Variants in GOLPH3L observed in about 807,000 individuals in gnomAD.
GOLPH3L encodes the protein golgi phosphoprotein 3 like, also known as Golgi phosphoprotein 3-like.
Under a neutral mutation model 30.3 loss-of-function variants are expected in GOLPH3L, and 22 were observed. The ratio of observed to expected loss-of-function variants is 0.73; its 90% CI spans 0.52 to 1.04. The LOEUF (loss-of-function observed/expected upper bound fraction) is 1.04, where lower values mean the gene tolerates loss of function less well. GOLPH3L is among the 50% of genes least tolerant of loss of function. GOLPH3L has a pLI of 0.00. For synonymous variants in GOLPH3L, 120 were observed against 128.2 expected (o/e 0.94, Z 0.43); for missense variants, 303 against 345.8 (o/e 0.88, Z 0.98).
intron 2 of GOLPH3L, among the ~76,000 whole-genome samples, chr1:150,674,324 G>C (rs904320542): frequency 6.0e-5 from 9 of 150,784 alleles, no homozygotes; most frequent in Admixed American, 5.3e-4. Flanking sequence ...GCAGTGGCAT[G>C]ATCTTGGCTC....
intron 2 of GOLPH3L, among the ~76,000 whole-genome samples, chr1:150,666,808 A>T (rs1650518581): frequency 1.3e-5 from 2 of 152,144 alleles, no homozygotes; most frequent in Admixed American, 6.6e-5. Context: ...TTCTTTAAAA[A>T]TGTCATATTT....
At chr1:150,652,396 A>C (rs11581145) in intron 4 of GOLPH3L, among the ~76,000 whole-genome samples, 8 of 148,128 alleles carry the variant, frequency 5.4e-5, no homozygotes, top group Non-Finnish European at 7.5e-5. Flanking sequence ...AAAAAAAAAA[A>C]AAAAAAAAAA....
chr1:150,681,960 G>C (rs1376970647), intron 2 of GOLPH3L, among the ~76,000 whole-genome samples: 1 of 151,942 alleles, frequency 6.6e-6, no homozygotes, highest in Admixed American at 6.6e-5. Context: ...CATCTACTCT[G>C]GTAACTGAGG....
chr1:150,656,073 T>G (rs1650232528), intron 4 of GOLPH3L, among the ~76,000 whole-genome samples: 1 of 152,222 alleles, frequency 6.6e-6, no homozygotes, highest in Admixed American at 6.5e-5. Flanking sequence ...GGGCAAACAA[T>G]TGAACCTACT....
intron 4 of GOLPH3L, among the ~76,000 whole-genome samples, chr1:150,656,898 A>G (rs1650251609): frequency 6.6e-6 from 1 of 152,336 alleles, no homozygotes; most frequent in South Asian, 2.1e-4. Flanking sequence ...TAGAATAACT[A>G]AATTTAAACC....
rs1193994964 is a variant in GOLPH3L, at chr1:150,647,265, G to A, written c.*1056C>T. The stretch of plus-strand genomic sequence containing the variant: ...TAATCTCAGCACTTTGGGAGGCTGA[G>A]GTGGAAGAATTGCTTGAGCCCAGGA... On this transcript the variant is annotated 3_prime_UTR_variant, in exon 5 of 5. Transcript: ENST00000271732. The A allele has an allele frequency of 6.6e-6, 1 of 152,348 alleles. No homozygotes were observed. The highest frequency in any genetic ancestry group is 1.5e-5 in the Non-Finnish European group (1 of 68,174). 9.4% of individuals were successfully genotyped at this position (152,348 alleles called of 1,614,324 possible). A position where few individuals can be genotyped will look rare whatever the true frequency, so the allele number is the denominator to read the frequency against.
chr1:150,677,065 TTTA>T (rs950365162), intron 2 of GOLPH3L, among the ~76,000 whole-genome samples: 4 of 150,304 alleles, frequency 2.7e-5, no homozygotes, highest in Non-Finnish European at 5.9e-5. Flanking sequence ...GTAATTTTAT[TTTA>T]TTATTTATTT....
In GOLPH3L at chr1:150,661,895, C is replaced by T; in HGVS notation, c.349G>A (p.Val117Ile). The change falls in exon 4 of 5, where the codon GTT becomes ATT. Residue 117 changes from valine (V) to isoleucine (I), a missense_variant. By Grantham distance (29) the Val-to-Ile change is conservative (BLOSUM62 3). Transcript: ENST00000271732. ...TGTTTCAGAGTTTCATCCAGTAAAA[C>T]ATCACCTGTTGGGCTGTCTGACTTT... ...LLKSDSPTGD[V>I]LLDETLKHIK... The T allele has an allele frequency of 1.9e-6, 3 of 1,592,682 alleles. No individual in the cohort carries two copies. Among genetic ancestry groups the T allele is most frequent in the Non-Finnish European group, 2.6e-6 (3 of 1,160,348 alleles).
chr1:150,696,469 T>C (rs922731129), intron 1 of GOLPH3L, among the ~76,000 whole-genome samples: 2 of 152,204 alleles, frequency 1.3e-5, no homozygotes, highest in African/African-American at 4.8e-5. Context: ...ACAGGGATAT[T>C]GTCTTCTTGG....
chr1:150,693,847 ATTTTTTTTTTTTTTT>A (rs66627372), intron 2 of GOLPH3L, among the ~76,000 whole-genome samples: 10 of 27,208 alleles, frequency 3.7e-4, no homozygotes, highest in African/African-American at 8.0e-4. Context: ...ATATATATAT[ATTTTTTTTTTTTTTT>A]TTTTTTTTTT....
At chr1:150,683,699 C>CTAA (rs1651015930) in intron 2 of GOLPH3L, among the ~76,000 whole-genome samples, 2 of 14,958 alleles carry the variant, frequency 1.3e-4, no homozygotes, top group Non-Finnish European at 2.5e-4. Flanking sequence ...GACTCTCTCT[C>CTAA]AAAAAAAAAA....
intron 2 of GOLPH3L, among the ~76,000 whole-genome samples, chr1:150,676,704 C>G (rs12064548): frequency 0.38 from 55,960 of 146,902 alleles, 10,791 homozygotes; most frequent in South Asian, 0.54. Context: ...AGTGCAATGG[C>G]TCGATCTTGG....
intron 4 of GOLPH3L, among the ~76,000 whole-genome samples, chr1:150,653,175 C>CAAAAAAAAAAAAAAAAAAAAAAAA (rs757485843): frequency 1.3e-5 from 1 of 76,262 alleles, no homozygotes; most frequent in Non-Finnish European, 2.9e-5. Context: ...GCCAAAAAAA[C>CAAAAAAAAAAAAAAAAAAAAAAAA]AAAAAAAAAA....
chr1:150,672,443 G>A (rs1434512288), intron 2 of GOLPH3L, among the ~76,000 whole-genome samples: 1 of 152,058 alleles, frequency 6.6e-6, no homozygotes, highest in Admixed American at 6.6e-5. Context: ...ATGTATGTAT[G>A]TATTTGAGAC....
intron 2 of GOLPH3L, among the ~76,000 whole-genome samples, chr1:150,688,401 C>CT (rs138548118): frequency 6.6e-6 from 1 of 152,064 alleles, no homozygotes; most frequent in African/African-American, 2.4e-5. Context: ...AGTTGATGTT[C>CT]TTTTTTCCTA....
In GOLPH3L at chr1:150,648,315, CCGG is replaced by C; in HGVS notation, c.*3_*5del. On this transcript the variant is annotated 3_prime_UTR_variant, in exon 5 of 5. Transcript: ENST00000271732. ...CAGGGGAAAAGGAGAAATCCACCTG[CCGG>C]CTTTAAGATTTATTGAAGGCTGCCA... 1 of 1,574,088 alleles carries C rather than the reference CCGG, an allele frequency of 6.4e-7. No homozygotes were observed. Among genetic ancestry groups the C allele is most frequent in the Non-Finnish European group, 8.6e-7 (1 of 1,156,308 alleles).
chr1:150,687,055 T>C (rs1367140871), intron 2 of GOLPH3L, among the ~76,000 whole-genome samples: 1 of 152,158 alleles, frequency 6.6e-6, no homozygotes, highest in Non-Finnish European at 1.5e-5. Context: ...GGAGACTTAT[T>C]GTTCATTTTG....
At chr1:150,691,908 T>C (rs1651223936) in intron 2 of GOLPH3L, among the ~76,000 whole-genome samples, 1 of 151,956 alleles carries the variant, frequency 6.6e-6, no homozygotes, top group Non-Finnish European at 1.5e-5. Context: ...GATGACTCTT[T>C]TTTTTTTTTG....
rs1650425235 is a variant in GOLPH3L, at chr1:150,663,660, A to G, written c.287T>C (p.Met96Thr). 4 of 1,613,644 alleles carry G rather than the reference A, an allele frequency of 2.5e-6. No homozygotes were observed. The highest frequency in any genetic ancestry group is 1.7e-6 in the Non-Finnish European group (2 of 1,179,722). Reference sequence around the variant, plus strand: ...TCTGTCTAGTAGTCGCTTCTTACGCATGGTCGGGGGTTCCAGATAGATTCG... The same window carrying G: ...TCTGTCTAGTAGTCGCTTCTTACGCGTGGTCGGGGGTTCCAGATAGATTCG... ...RGRIYLEPPT[M>T]RKKRLLDRKV... is the part of the protein sequence containing the mutation. Residue 96 changes from methionine (M) to threonine (T), a missense_variant, in exon 3 of 5, where the codon ATG becomes ACG. Met to Thr is a moderately conservative substitution (Grantham distance 81). Transcript: ENST00000271732.
Sources: allele counts gnomAD v4.1 joint callset (sites outside exome capture counted in the v4.1 genomes callset), GRCh38; gene constraint gnomAD v4.1.1; transcripts MANE v1.5; gene names NCBI Gene and HGNC (gene_info 2026-07-23, HGNC 2026-07-21).